RBMS3: variants seen among roughly 807,000 people sequenced by gnomAD.
RBMS3 encodes the protein RNA binding motif single stranded interacting protein 3.
In RBMS3, 27 loss-of-function variants were observed where a neutral mutation model predicts 66.8. The ratio of observed to expected loss-of-function variants is 0.40; its 90% CI spans 0.30 to 0.56. The LOEUF is 0.56. Ranked by LOEUF, RBMS3 falls within the 20% of genes least tolerant of loss-of-function variation. RBMS3 has a pLI of 0.40. For synonymous variants in RBMS3, 188 were observed against 183.0 expected (o/e 1.03, Z -0.22); for missense variants, 513 against 549.5 (o/e 0.93, Z 0.66).
At chr3:29,396,535 A>C (rs1157177649) in intron 1 of RBMS3, among the ~76,000 whole-genome samples, 2 of 152,212 alleles carry the variant, frequency 1.3e-5, no homozygotes, top group Non-Finnish European at 2.9e-5. Flanking sequence ...ATTCCTGGAA[A>C]ACTCATACTG....
At chr3:29,417,513 A>G (rs1025379340) in intron 1 of RBMS3, among the ~76,000 whole-genome samples, 3 of 152,118 alleles carry the variant, frequency 2.0e-5, no homozygotes, top group Non-Finnish European at 4.4e-5. Context: ...ATAATTTGGG[A>G]ATATCCTATG....
intron 8 of RBMS3, among the ~76,000 whole-genome samples, chr3:29,892,826 T>TGTAC (rs2149594590): frequency 7.3e-6 from 1 of 136,386 alleles, no homozygotes; most frequent in African/African-American, 2.9e-5. Context: ...TATGTATGTA[T>TGTAC]GTATGTATGT....
At chr3:29,990,862 A>G (rs888194114) in intron 13 of RBMS3, among the ~76,000 whole-genome samples, 1 of 152,158 alleles carries the variant, frequency 6.6e-6, no homozygotes, top group Non-Finnish European at 1.5e-5. Flanking sequence ...AACTACTCCA[A>G]CAACTTCTAA....
intron 6 of RBMS3, among the ~76,000 whole-genome samples, chr3:29,777,782 A>T (rs1341245049): frequency 1.3e-5 from 2 of 151,912 alleles, no homozygotes; most frequent in Non-Finnish European, 2.9e-5. Context: ...TGGTTGTTAC[A>T]ATTCTACAAC....
chr3:29,990,934 CTG>C lies in RBMS3; in HGVS notation c.1180-147_1180-146del, dbSNP rs1698822221. On this transcript the variant is annotated intron_variant, in intron 13 of 14. Coordinates refer to ENST00000383767, the MANE Select transcript of RBMS3 (RefSeq NM_001003793.3). Reference sequence around the variant, plus strand: ...CTTAGCCCTTATCTAAATGTGCTCTCTGGGTTTCCTCTGAGTACTTATTGTGA... The same window carrying C: ...CTTAGCCCTTATCTAAATGTGCTCTCGGTTTCCTCTGAGTACTTATTGTGA... 3 of 677,002 alleles carry C rather than the reference CTG, an allele frequency of 4.4e-6. No homozygotes were observed. The South Asian group carries it at 5.9e-5, about 13-fold the overall frequency. The allele number at this position is 677,002 out of a possible 1,614,324, so 41.9% of individuals were successfully genotyped here.
At chr3:29,454,111 G>C (rs17723798) in intron 2 of RBMS3, among the ~76,000 whole-genome samples, 22,834 of 152,168 alleles carry the variant, frequency 0.15, 1,949 homozygotes, top group Admixed American at 0.27. Context: ...TCTGGACCTT[G>C]AGAATAGTTT....
chr3:29,478,180 G>C (rs1399512522), intron 2 of RBMS3, among the ~76,000 whole-genome samples: 1 of 152,168 alleles, frequency 6.6e-6, no homozygotes, highest in Non-Finnish European at 1.5e-5. Context: ...ATGTGGTTTG[G>C]AACTGTGCTT....
At chr3:29,602,408 A>G (rs371535916) in intron 4 of RBMS3, among the ~76,000 whole-genome samples, 10 of 152,028 alleles carry the variant, frequency 6.6e-5, no homozygotes, top group South Asian at 2.1e-4. Context: ...ACTTGTGCAT[A>G]TGGTAAATGC....
At chr3:29,506,373 A>G (rs964470873) in intron 3 of RBMS3, among the ~76,000 whole-genome samples, 1 of 152,010 alleles carries the variant, frequency 6.6e-6, no homozygotes. Flanking sequence ...AAGGTGATTT[A>G]TCATATTTAT....
At chr3:29,465,475 C>T (rs560600070) in intron 2 of RBMS3, among the ~76,000 whole-genome samples, 206 of 149,198 alleles carry the variant, frequency 1.4e-3, no homozygotes, top group African/African-American at 4.3e-3. Flanking sequence ...GCCTATTGGA[C>T]GGTCTTCATT....
chr3:29,468,921 T>G (rs182399463), intron 2 of RBMS3, among the ~76,000 whole-genome samples: 22 of 152,268 alleles, frequency 1.4e-4, no homozygotes, highest in Admixed American at 1.4e-3. Context: ...TATTTTTGTG[T>G]GTATATTATA....
intron 3 of RBMS3, among the ~76,000 whole-genome samples, chr3:29,540,166 T>G (rs2045705514): frequency 6.6e-6 from 1 of 152,236 alleles, no homozygotes; most frequent in Non-Finnish European, 1.5e-5. Context: ...TAGGCCATAC[T>G]TCCTAGTACA....
intron 3 of RBMS3, among the ~76,000 whole-genome samples, chr3:29,565,643 C>T (rs530219004): frequency 6.6e-6 from 1 of 152,284 alleles, no homozygotes; most frequent in East Asian, 1.9e-4. Context: ...CTAACCTCAC[C>T]TTAAAATCCT....
At chr3:29,361,347 C>A (rs531272372) in intron 1 of RBMS3, among the ~76,000 whole-genome samples, 1 of 150,764 alleles carries the variant, frequency 6.6e-6, no homozygotes, top group African/African-American at 2.5e-5. Context: ...GTTGAAAATT[C>A]TTTTATTTAA....
chr3:29,754,312 G>C (rs1235813168), intron 5 of RBMS3, among the ~76,000 whole-genome samples: 2 of 152,180 alleles, frequency 1.3e-5, no homozygotes, highest in Non-Finnish European at 2.9e-5. Flanking sequence ...AAGAAAAAGT[G>C]AAAGTCACAA....
At position 29,620,423 on chromosome 3, in the gene RBMS3, A is replaced by G. The variant is rs546352922; in HGVS notation, c.399+33218A>G. ...TTCATATATTGAAGTTTAAGCTTAT[A>G]TCTCACTTCTCATTGAAGTCGCCAG... On this transcript the variant is annotated intron_variant, in intron 4 of 14. Transcript: ENST00000383767. Among the ~76,000 whole-genome samples the G allele has an allele frequency of 3.5e-4, 53 of 152,240 alleles. No homozygotes were observed. The Middle Eastern group carries it at 0.014, about 39-fold the overall frequency.
At chr3:29,568,438 A>G (rs1333982427) in intron 3 of RBMS3, among the ~76,000 whole-genome samples, 1 of 152,238 alleles carries the variant, frequency 6.6e-6, no homozygotes, top group Non-Finnish European at 1.5e-5. Context: ...ATGTATTTAA[A>G]ACAAACGAAT....
chr3:29,366,909 G>A (rs1351324759), intron 1 of RBMS3, among the ~76,000 whole-genome samples: 1 of 152,036 alleles, frequency 6.6e-6, no homozygotes, highest in Non-Finnish European at 1.5e-5. Context: ...TAATAGAAAA[G>A]CATTTTGGTC....
chr3:29,677,724 G>A (rs1263153864), intron 4 of RBMS3, among the ~76,000 whole-genome samples: 1 of 151,884 alleles, frequency 6.6e-6, no homozygotes, highest in African/African-American at 2.4e-5. Flanking sequence ...TGGGTTTTCT[G>A]GAAAATAGGC....
Sources: gnomAD v4.1 joint callset for allele counts (sites outside exome capture counted in the v4.1 genomes callset) on GRCh38, gnomAD v4.1.1 for gene constraint, MANE v1.5 for transcripts, NCBI Gene and HGNC (gene_info 2026-07-23, HGNC 2026-07-21) for gene names.